The following ZBTB16 variants were observed in gnomAD, a reference collection of about 807,000 sequenced individuals.
The protein encoded by ZBTB16 is zinc finger and BTB domain-containing protein 16.
In ZBTB16, 8 loss-of-function variants were observed where a neutral mutation model predicts 56.8. The observed-to-expected ratio is 0.14, with a 90% CI of 0.08 to 0.25. ZBTB16 has a LOEUF of 0.25. Among genes scored for constraint, ZBTB16 ranks in the 10% least tolerant of loss-of-function variants. ZBTB16 has a pLI of 1.00. For synonymous variants in ZBTB16, 363 were observed against 368.5 expected (o/e 0.98, Z 0.17); for missense variants, 625 against 903.0 (o/e 0.69, Z 3.95).
intron 4 of ZBTB16, among the ~76,000 whole-genome samples, chr11:114,227,163 A>G (rs1243652611): frequency 2.6e-5 from 4 of 152,172 alleles, no homozygotes; most frequent in African/African-American, 9.7e-5. Flanking sequence ...TTTGTGCAGC[A>G]GCCGGAGCAG....
At chr11:114,101,536 T>C (rs186630986) in intron 2 of ZBTB16, among the ~76,000 whole-genome samples, 143 of 152,272 alleles carry the variant, frequency 9.4e-4, no homozygotes, top group African/African-American at 3.4e-3. Context: ...CATGGTGTGA[T>C]TTGGTAGAAA....
intron 2 of ZBTB16, among the ~76,000 whole-genome samples, chr11:114,093,883 T>G (rs987400004): frequency 1.3e-5 from 2 of 152,360 alleles, no homozygotes; most frequent in Admixed American, 1.3e-4. Context: ...ACTGTTGGTT[T>G]TGGGTGGAAT....
intron 5 of ZBTB16, among the ~76,000 whole-genome samples, chr11:114,243,891 G>A (rs1944763451): frequency 6.6e-6 from 1 of 152,188 alleles, no homozygotes; most frequent in Non-Finnish European, 1.5e-5. Flanking sequence ...ATATGAAAAT[G>A]TCACATGCTC....
chr11:114,132,924 G>A (rs753813531), intron 2 of ZBTB16, among the ~76,000 whole-genome samples: 1 of 152,042 alleles, frequency 6.6e-6, no homozygotes, highest in African/African-American at 2.4e-5. Flanking sequence ...ATAGCCTGGT[G>A]TAAGTACAAT....
At chr11:114,180,427 C>T (rs940413774) in intron 3 of ZBTB16, among the ~76,000 whole-genome samples, 9 of 152,210 alleles carry the variant, frequency 5.9e-5, no homozygotes, top group African/African-American at 1.9e-4. Flanking sequence ...CTGACTGTAG[C>T]GGAGGGAAGG....
intron 2 of ZBTB16, among the ~76,000 whole-genome samples, chr11:114,124,321 A>G (rs564738786): frequency 1.3e-5 from 2 of 152,094 alleles, no homozygotes; most frequent in Non-Finnish European, 2.9e-5. Flanking sequence ...GTTCATGGCT[A>G]TGATGACTGA....
At chr11:114,199,558 A>G (rs552341776) in intron 4 of ZBTB16, among the ~76,000 whole-genome samples, 12 of 152,308 alleles carry the variant, frequency 7.9e-5, no homozygotes, top group Admixed American at 2.0e-4. Flanking sequence ...TGGTGTTTGG[A>G]AGCAATAATG....
At chr11:114,150,363 G>A (rs904218307) in intron 2 of ZBTB16, among the ~76,000 whole-genome samples, 8 of 152,182 alleles carry the variant, frequency 5.3e-5, no homozygotes, top group African/African-American at 7.2e-5. Context: ...GTCTGGGCGT[G>A]GTGGCTCATG....
At chr11:114,125,406 G>T (rs953917836) in intron 2 of ZBTB16, among the ~76,000 whole-genome samples, 1 of 152,162 alleles carries the variant, frequency 6.6e-6, no homozygotes, top group African/African-American at 2.4e-5. Context: ...TAGGAGACAG[G>T]TGGTATTATC....
In ZBTB16 at chr11:114,242,365, C is replaced by T. The variant is rs1220796894; in HGVS notation, c.1624+28C>T. The T allele has an allele frequency of 3.7e-6, 6 of 1,610,922 alleles. No individual in the cohort carries two copies. In the African/African-American group the frequency reaches 8.0e-5, roughly 22 times the overall value. ...AGGTCAGTCCAGCTGATGGGTGGAT[C>T]TGGGTCTCTGGGAGCCAGCGTCTAT... On this transcript the variant is annotated intron_variant, in intron 5 of 6. Transcript: ENST00000335953.
intron 4 of ZBTB16, among the ~76,000 whole-genome samples, chr11:114,215,463 G>A (rs1276476760): frequency 6.6e-6 from 1 of 152,216 alleles, no homozygotes; most frequent in Non-Finnish European, 1.5e-5. Context: ...GGAAGGGAAA[G>A]ATATGGCAGC....
chr11:114,110,122 G>A (rs1052735160), intron 2 of ZBTB16, among the ~76,000 whole-genome samples: 5 of 152,144 alleles, frequency 3.3e-5, no homozygotes, highest in East Asian at 1.9e-4. Context: ...GCTGGGGGGC[G>A]GTATTTAGGG....
chr11:114,088,525 A>G (rs2137717753), intron 2 of ZBTB16, among the ~76,000 whole-genome samples: 1 of 152,278 alleles, frequency 6.6e-6, no homozygotes, highest in African/African-American at 2.4e-5. Context: ...AATCCTATTC[A>G]GTTATACAGC....
In ZBTB16 at chr11:114,088,266, C is replaced by T. The variant is rs1241098202; in HGVS notation, c.1268+23698C>T. On this transcript the variant is annotated intron_variant, in intron 2 of 6. Coordinates refer to ENST00000335953, the MANE Select transcript of ZBTB16 (RefSeq NM_006006.6). Reference sequence around the variant, plus strand: ...AAGTGATTCTTGTGTCTCAGCCTCCCGAGTAGCTGAGATTACAGACATGCG... The same window carrying T: ...AAGTGATTCTTGTGTCTCAGCCTCCTGAGTAGCTGAGATTACAGACATGCG... 5.3e-5 allele frequency among the ~76,000 whole-genome samples: 8 copies of T among 151,598 alleles called. No individual in the cohort carries two copies. The East Asian group carries it at 7.8e-4, about 15-fold the overall frequency.
At chr11:114,159,325 G>A (rs1221129991) in intron 3 of ZBTB16, among the ~76,000 whole-genome samples, 3 of 152,164 alleles carry the variant, frequency 2.0e-5, no homozygotes, top group African/African-American at 7.2e-5. Flanking sequence ...ACTGGGCACT[G>A]AAGGCTGATT....
In ZBTB16 at chr11:114,248,122, A is replaced by G. The variant is rs545228329; in HGVS notation, c.1792+757A>G. On this transcript the variant is annotated intron_variant, in intron 6 of 6. Coordinates refer to ENST00000335953, the MANE Select transcript of ZBTB16 (RefSeq NM_006006.6). ...GCCATGTTGGTCAGGCTGGTCTCGA[A>G]CTCCTGACCTCAAGTGATTCACCCG... Among the ~76,000 whole-genome samples the G allele has an allele frequency of 1.7e-3, 253 of 151,922 alleles. 1 individual carries two copies. The highest frequency in any genetic ancestry group is 3.4e-3 in the Middle Eastern group (1 of 294).
At chr11:114,244,204 C>G (rs1358538485) in intron 5 of ZBTB16, among the ~76,000 whole-genome samples, 1 of 152,030 alleles carries the variant, frequency 6.6e-6, no homozygotes, top group African/African-American at 2.4e-5. Flanking sequence ...ATTGATGGAT[C>G]CCTGATTCAC....
intron 2 of ZBTB16, among the ~76,000 whole-genome samples, chr11:114,152,821 C>T (rs967788243): frequency 6.6e-6 from 1 of 152,226 alleles, no homozygotes; most frequent in Non-Finnish European, 1.5e-5. Flanking sequence ...TTTCCTGTCA[C>T]AGTGGAGGCT....
intron 4 of ZBTB16, among the ~76,000 whole-genome samples, chr11:114,198,386 T>C (rs889255007): frequency 2.9e-5 from 3 of 103,518 alleles, no homozygotes; most frequent in Non-Finnish European, 5.7e-5. Flanking sequence ...ATGCCTAATA[T>C]AGAGTTTTAT....
Sources: gnomAD v4.1 joint callset for allele counts (sites outside exome capture counted in the v4.1 genomes callset) on GRCh38, gnomAD v4.1.1 for gene constraint, MANE v1.5 for transcripts, NCBI Gene and HGNC (gene_info 2026-07-23, HGNC 2026-07-21) for gene names.